BSG: variants seen among roughly 807,000 people sequenced by gnomAD.
The protein encoded by BSG is basigin.
A neutral mutation model predicts 43.1 loss-of-function variants in BSG; 37 were observed. That is an observed-to-expected ratio of 0.86 (90% confidence interval 0.66 to 1.13). The LOEUF (loss-of-function observed/expected upper bound fraction) is 1.13, where lower values mean the gene tolerates loss of function less well. Among genes scored for constraint, BSG ranks in the 50% most tolerant of loss-of-function variants. The pLI, the probability that BSG is intolerant of heterozygous loss-of-function variation, is 0.00. For missense variants in BSG, 599 were observed against 554.2 expected, an observed-to-expected ratio of 1.08 and a Z score of -0.81; for synonymous variants, 309 against 238.7, an observed-to-expected ratio of 1.29 and a Z score of -2.72.
At chr19:572,433 T>C (rs1023066521), upstream of BSG, 9 of 1,139,422 alleles carry the variant, frequency 7.9e-6, no homozygotes, top group Admixed American at 4.9e-5. Context: ...TTCCGTAGCG[T>C]GAGCCTGCCG....
chr19:581,494 C>A lies in BSG; in HGVS notation c.972C>A (p.Ala324=), dbSNP rs762720178. 1.5e-5 allele frequency: 24 copies of A among 1,600,492 alleles called. No individual in the cohort carries two copies. Among genetic ancestry groups the A allele is most frequent in the Non-Finnish European group, 2.0e-5 (24 of 1,174,200 alleles). ...ITLRVRSHLA[A]LWPFLGIVAE... ...TCCGCGTGCGCAGCCACCTGGCCGC[C>A]CTCTGGCCCTTCCTGGGCATCGTGG... The change falls in exon 6 of 9, where the codon GCC becomes GCA. Residue 324 remains alanine (A), a synonymous_variant. Transcript: ENST00000333511.
chr19:578,057 C>T lies in BSG; in HGVS notation c.351C>T (p.Asn117=), dbSNP rs1600487499. The T allele has an allele frequency of 1.2e-5, 20 of 1,610,112 alleles. No homozygotes were observed. Among genetic ancestry groups the T allele is most frequent in the Non-Finnish European group, 1.3e-5 (15 of 1,178,448 alleles). ...ECRASNDPDR[N]HLTRAPRVKW... ...GGGCCAGCAACGACCCGGATCGCAA[C>T]CACCTGACCCGGGCGCCCAGGGTCA... Residue 117 remains asparagine, a synonymous_variant, in exon 2 of 9, where the codon AAC becomes AAT. Coordinates refer to ENST00000333511, the MANE Select transcript of BSG (RefSeq NM_001728.4).
intron 2 of BSG, among the ~76,000 whole-genome samples, chr19:578,648 C>G (rs1009578039): frequency 2.0e-5 from 3 of 152,054 alleles, no homozygotes; most frequent in Admixed American, 2.0e-4. Context: ...GCTGGAGTGC[C>G]GTCAGCCTGG....
upstream of BSG, chr19:571,423 A>G (rs56087693): frequency 9.8e-4 from 712 of 724,508 alleles, 2 homozygotes; most frequent in Admixed American, 2.3e-3. Flanking sequence ...TGTCGCCCCA[A>G]TAGCGACTTT....
chr19:576,784 G>C (rs1981813981), intron 1 of BSG, among the ~76,000 whole-genome samples: 1 of 151,762 alleles, frequency 6.6e-6, no homozygotes. Flanking sequence ...GAAAGAAAAT[G>C]GCGCTGCCAA....
chr19:572,759 C>A (rs1232472640), intron 1 of BSG, 58 bp downstream of exon 1: 3 of 1,352,164 alleles, frequency 2.2e-6, no homozygotes, highest in East Asian at 6.2e-5. Flanking sequence ...ATGGAGGCCG[C>A]GGTGCCGACC....
At chr19:579,048 C>G in intron 2 of BSG, 1 of 457,198 alleles carries the variant, frequency 2.2e-6, no homozygotes, top group South Asian at 1.5e-5. Context: ...GCCCAGCTGG[C>G]TACGTTTTTA....
rs1043492795 is a variant in BSG at position 583,100 on chromosome 19, G to C, written c.*356G>C. The C allele has an allele frequency of 6.3e-6, 1 of 159,946 alleles. No individual in the cohort carries two copies. The highest frequency in any genetic ancestry group is 5.9e-5 in the Admixed American group (1 of 16,856). The allele number at this position is 159,946 out of a possible 1,614,324, so 9.9% of individuals were successfully genotyped here. ...TTGTGGAAAGTCACAGGTCACACGA[G>C]GGGCCCCGTGTCCTGCCTGTCTGAA... On this transcript the variant is annotated 3_prime_UTR_variant, in exon 9 of 9. Coordinates refer to ENST00000333511, the MANE Select transcript of BSG (RefSeq NM_001728.4).
intron 1 of BSG, among the ~76,000 whole-genome samples, chr19:576,646 A>G (rs1600483440): frequency 1.3e-5 from 2 of 152,176 alleles, no homozygotes; most frequent in South Asian, 2.1e-4. Context: ...CTGTAATCCC[A>G]GCTACTTGGG....
At chr19:573,781 C>G (rs980231813) in intron 1 of BSG, among the ~76,000 whole-genome samples, 8 of 152,194 alleles carry the variant, frequency 5.3e-5, no homozygotes, top group Non-Finnish European at 7.3e-5. Flanking sequence ...CTCTGACCCG[C>G]ATTCGGTTTC....
In BSG at chr19:572,667, C is replaced by A. The variant is rs765006362; in HGVS notation, c.33C>A (p.Phe11Leu). 10 of 1,504,372 alleles carry A rather than the reference C, an allele frequency of 6.6e-6. No homozygotes were observed. The highest frequency in any genetic ancestry group is 8.9e-6 in the Non-Finnish European group (10 of 1,124,862). 93.2% of individuals were successfully genotyped at this position (1,504,372 alleles called of 1,614,324 possible). ...CTGCGCTGTTCGTGCTGCTGGGATT[C>A]GCGCTGCTGGGCACCCACGGAGCCT... The part of the protein sequence containing the change: MAAALFVLLG[F>L]ALLGTHGASG... Residue 11 changes from phenylalanine to leucine, a missense_variant, in exon 1 of 9, where the codon TTC (phenylalanine) becomes TTA (leucine). Coordinates refer to ENST00000333511, the MANE Select transcript of BSG (RefSeq NM_001728.4).
rs577273577 is a variant in BSG at position 572,884 on chromosome 19, G to T, written c.67+183G>T. On this transcript the variant is annotated intron_variant, in intron 1 of 8. Coordinates refer to ENST00000333511, the MANE Select transcript of BSG (RefSeq NM_001728.4). ...TGGGGGTGAAGTCCCAGGGTTTGAGGGGGGACTAGAGGTTCCTCCCGGCGC... is the reference window on the plus strand; with the variant it reads ...TGGGGGTGAAGTCCCAGGGTTTGAGTGGGGACTAGAGGTTCCTCCCGGCGC... Among the ~76,000 whole-genome samples the T allele has an allele frequency of 4.6e-5, 7 of 152,256 alleles. No individual in the cohort carries two copies. In the South Asian group the frequency reaches 6.2e-4, roughly 14 times the overall value.
chr19:579,929 T>C, intron 3 of BSG: 1 of 496,850 alleles, frequency 2.0e-6, no homozygotes, highest in Non-Finnish European at 3.6e-6. Context: ...CACTGCCAGG[T>C]CCCGGGCACG....
At chr19:571,349 G>A, upstream of BSG, 1 of 602,112 alleles carries the variant, frequency 1.7e-6, no homozygotes, top group East Asian at 2.8e-5. Flanking sequence ...CGGTCCTCTT[G>A]CATTGCGACT....
chr19:579,319 C>T, intron 2 of BSG, 181 bp from the exon 3 acceptor site: 1 of 842,156 alleles, frequency 1.2e-6, no homozygotes, highest in Non-Finnish European at 1.9e-6. Context: ...CTCTTCCCTT[C>T]CCGGAGGCGT....
chr19:577,149 C>T (rs1053108423), intron 1 of BSG, among the ~76,000 whole-genome samples: 1 of 152,148 alleles, frequency 6.6e-6, no homozygotes, highest in Non-Finnish European at 1.5e-5. Flanking sequence ...TCCTTGGCAG[C>T]TCTGGGGGCC....
At chr19:573,327 C>G (rs1405320154) in intron 1 of BSG, among the ~76,000 whole-genome samples, 1 of 152,144 alleles carries the variant, frequency 6.6e-6, no homozygotes, top group East Asian at 1.9e-4. Context: ...GAGACCCTCC[C>G]CTGAGACTCT....
rs1241086820 is a variant in BSG, at chr19:572,721, CG to C, written c.67+25del. ...GGGCTGGTGAGGAGCGGGTAGGGGG[CG>C]GGGGTGCGGTCCTGCAGGGGCCGGG... On this transcript the variant is annotated intron_variant, in intron 1 of 8. Transcript: ENST00000333511. 6.2e-6 allele frequency: 9 copies of C among 1,460,422 alleles called. No homozygotes were observed. Among genetic ancestry groups the C allele is most frequent in the South Asian group, 2.7e-5 (2 of 74,814 alleles). 90.5% of individuals were successfully genotyped at this position (1,460,422 alleles called of 1,614,324 possible). A position where few individuals can be genotyped will look rare whatever the true frequency, so the allele number is the denominator to read the frequency against.
chr19:580,486 G>T, intron 4 of BSG, 25 bp downstream of exon 4: 1 of 1,608,838 alleles, frequency 6.2e-7, no homozygotes, highest in East Asian at 2.2e-5. Flanking sequence ...CAGGGGTACC[G>T]GGCACCACCG....
Sources: allele counts gnomAD v4.1 joint callset (sites outside exome capture counted in the v4.1 genomes callset), GRCh38; gene constraint gnomAD v4.1.1; transcripts MANE v1.5; gene names NCBI Gene and HGNC (gene_info 2026-07-23, HGNC 2026-07-21).